Variants in ITFG1 observed in about 807,000 individuals in gnomAD.
ITFG1 encodes T-cell immunomodulatory protein.
Under a neutral mutation model 81.8 loss-of-function variants are expected in ITFG1, and 34 were observed. The ratio of observed to expected loss-of-function variants is 0.42; its 90% CI spans 0.32 to 0.55. The LOEUF is 0.55. Among genes scored for constraint, ITFG1 ranks in the 20% least tolerant of loss-of-function variants. The pLI, the probability that ITFG1 is intolerant of heterozygous loss-of-function variation, is 0.17. For missense variants in ITFG1, 672 were observed against 755.4 expected (o/e 0.89, Z 1.29); for synonymous variants, 285 against 270.6 (o/e 1.05, Z -0.52).
chr16:47,230,377 A>G (rs1229746866), intron 13 of ITFG1, among the ~76,000 whole-genome samples: 2 of 152,306 alleles, frequency 1.3e-5, no homozygotes, highest in Admixed American at 1.3e-4. Context: ...AGACGATAAC[A>G]GTGGGTTAAG....
intron 6 of ITFG1, among the ~76,000 whole-genome samples, chr16:47,403,865 C>A (rs1968694878): frequency 6.6e-6 from 1 of 151,248 alleles, no homozygotes; most frequent in African/African-American, 2.4e-5. Flanking sequence ...GGGTCCCTAA[C>A]CCCCAGGCCA....
Position 47,371,044 on chromosome 16 carries a change from T to C in ITFG1, c.720+4832A>G, listed in dbSNP as rs183125675. Among the ~76,000 whole-genome samples the C allele has an allele frequency of 2.8e-4, 43 of 152,376 alleles. 1 individual carries two copies. The East Asian group carries it at 8.1e-3, about 29-fold the overall frequency. ...CTGTGATGTTCTTACCGATCTGCAC[T>C]GTTTCCCTGCAATCCAAAATTCAAC... On this transcript the variant is annotated intron_variant, in intron 7 of 17. Coordinates refer to ENST00000320640, the MANE Select transcript of ITFG1 (RefSeq NM_030790.5).
At chr16:47,237,614 A>G (rs1347515605) in intron 13 of ITFG1, among the ~76,000 whole-genome samples, 2 of 152,228 alleles carry the variant, frequency 1.3e-5, no homozygotes, top group East Asian at 3.8e-4. Flanking sequence ...TACCAGGTAC[A>G]CAAGATGACA....
At chr16:47,305,501 C>G (rs1183906324) in intron 10 of ITFG1, among the ~76,000 whole-genome samples, 1 of 151,722 alleles carries the variant, frequency 6.6e-6, no homozygotes, top group East Asian at 1.9e-4. Context: ...AACAAATTAA[C>G]TAAGAAAAAA....
At chr16:47,342,950 C>T (rs764869450) in intron 8 of ITFG1, among the ~76,000 whole-genome samples, 2 of 152,106 alleles carry the variant, frequency 1.3e-5, no homozygotes, top group African/African-American at 2.4e-5. Flanking sequence ...AATGCAATCA[C>T]ACTCAAAATT....
chr16:47,254,924 A>G (rs1966122471), intron 12 of ITFG1, among the ~76,000 whole-genome samples: 1 of 152,196 alleles, frequency 6.6e-6, no homozygotes, highest in Non-Finnish European at 1.5e-5. Flanking sequence ...CGTCTCTACT[A>G]AAAATACAAA....
intron 14 of ITFG1, among the ~76,000 whole-genome samples, chr16:47,165,006 C>T (rs923684912): frequency 7.2e-5 from 11 of 152,188 alleles, no homozygotes; most frequent in African/African-American, 2.7e-4. Context: ...TGGTTAATTT[C>T]CAGAGTTCTG....
Position 47,260,660 on chromosome 16 carries a change from C to A in ITFG1, c.1106G>T (p.Cys369Phe). The change falls in exon 11 of 18, where the codon TGT becomes TTT. Residue 369 changes from cysteine to phenylalanine, a missense_variant. Cys to Phe is a radical substitution (Grantham distance 205). Coordinates refer to ENST00000320640, the MANE Select transcript of ITFG1 (RefSeq NM_030790.5). ...QQAFLLENVP[C>F]NNASCEEARR... ...CGCCTCTTCACAGCTTGCATTATTACAAGGGACGTTCTCCAGTAAAAAGGC... is the reference window on the plus strand; with the variant it reads ...CGCCTCTTCACAGCTTGCATTATTAAAAGGGACGTTCTCCAGTAAAAAGGC... The A allele has an allele frequency of 6.2e-7, 1 of 1,614,186 alleles. No individual in the cohort carries two copies. The highest frequency in any genetic ancestry group is 8.5e-7 in the Non-Finnish European group (1 of 1,180,034).
At position 47,459,114 on chromosome 16, in the gene ITFG1, CT is replaced by C; in HGVS notation, c.269del (p.Lys90ArgfsTer10). 6.3e-7 allele frequency: 1 copy of C among 1,580,938 alleles called. No homozygotes were observed. On this transcript the variant is annotated frameshift_variant, in exon 2 of 18. Transcript: ENST00000320640. LOFTEE classifies it high-confidence loss of function. ...ATATTTGTACTTACTTGAAAGATAC[CT>C]TTACTTTGGGTTTAAAATAGGGTGC... is the stretch of plus-strand genomic sequence containing the variant. Reference protein sequence around the residue: ...QNAPYFKPKVKVSFKNHSALI... With the variant: ...QNAPYFKPKVXVSFKNHSALI...
chr16:47,441,865 A>G (rs1969255780), intron 5 of ITFG1, among the ~76,000 whole-genome samples: 1 of 152,212 alleles, frequency 6.6e-6, no homozygotes, highest in South Asian at 2.1e-4. Context: ...AAGGGAATTC[A>G]ATTAGGAAAA....
Position 47,155,565 on chromosome 16 carries a change from T to C in ITFG1, c.*154A>G. 1.7e-6 allele frequency: 1 copy of C among 577,728 alleles called. No homozygotes were observed. The highest frequency in any genetic ancestry group is 3.0e-6 in the Non-Finnish European group (1 of 334,662). The allele number at this position is 577,728 out of a possible 1,614,324, so 35.8% of individuals were successfully genotyped here. A position where few individuals can be genotyped will look rare whatever the true frequency, so the allele number is the denominator to read the frequency against. ...CTTTAAAAAAAAAGACCTTGTGACA[T>C]ATTCAAACCATATTTATTTGAATAC... On this transcript the variant is annotated 3_prime_UTR_variant, in exon 18 of 18. Coordinates refer to ENST00000320640, the MANE Select transcript of ITFG1 (RefSeq NM_030790.5).
intron 6 of ITFG1, among the ~76,000 whole-genome samples, chr16:47,411,982 A>G (rs1327108181): frequency 1.3e-5 from 2 of 152,210 alleles, no homozygotes; most frequent in African/African-American, 2.4e-5. Flanking sequence ...CCAATGCAGA[A>G]ATCTAGCCAC....
chr16:47,366,195 A>T (rs1968174955), intron 7 of ITFG1, among the ~76,000 whole-genome samples: 1 of 152,208 alleles, frequency 6.6e-6, no homozygotes, highest in South Asian at 2.1e-4. Context: ...ACTAGTTCCT[A>T]TCCTCAAAGA....
intron 5 of ITFG1, among the ~76,000 whole-genome samples, chr16:47,447,764 T>G (rs945237870): frequency 3.1e-4 from 47 of 152,210 alleles, no homozygotes; most frequent in African/African-American, 1.0e-3. Context: ...CTAAAAGTTT[T>G]TCACTGTTTC....
intron 14 of ITFG1, among the ~76,000 whole-genome samples, chr16:47,208,650 A>T (rs182894570): frequency 4.4e-4 from 67 of 152,296 alleles, no homozygotes; most frequent in Admixed American, 4.2e-3. Context: ...AATCAATAAA[A>T]CTTCTAGTGT....
In ITFG1 at chr16:47,273,792, T is replaced by C. The variant is rs534126694; in HGVS notation, c.1071-13097A>G. On this transcript the variant is annotated intron_variant, in intron 10 of 17. Coordinates refer to ENST00000320640, the MANE Select transcript of ITFG1 (RefSeq NM_030790.5). ...CAAAAGAATCTATTAGTTTGTTTGTTTATTTATTTATTTATTTATTTATTT... is the reference window on the plus strand; with the variant it reads ...CAAAAGAATCTATTAGTTTGTTTGTCTATTTATTTATTTATTTATTTATTT... Among the ~76,000 whole-genome samples, 100 of 146,974 alleles carry C rather than the reference T, an allele frequency of 6.8e-4. 1 individual carries two copies. Among genetic ancestry groups the C allele is most frequent in the African/African-American group, 2.2e-3 (87 of 39,052 alleles).
chr16:47,393,452 C>T (rs568827426), intron 6 of ITFG1, among the ~76,000 whole-genome samples: 53 of 152,180 alleles, frequency 3.5e-4, no homozygotes, highest in Non-Finnish European at 5.1e-4. Flanking sequence ...CAGTGGCAGC[C>T]GAGTGTGGTG....
upstream of ITFG1, chr16:47,461,168 C>CT (rs1567265487): frequency 9.4e-7 from 1 of 1,058,736 alleles, no homozygotes; most frequent in African/African-American, 1.6e-5. Flanking sequence ...CTGCCGGCTC[C>CT]TTTTTCTCTC....
At chr16:47,327,990 T>A (rs187018481) in intron 8 of ITFG1, among the ~76,000 whole-genome samples, 2 of 152,282 alleles carry the variant, frequency 1.3e-5, no homozygotes, top group East Asian at 3.9e-4. Flanking sequence ...CCCAAAGGAT[T>A]ATAAATAATG....
Sources: gnomAD v4.1 joint callset for allele counts (sites outside exome capture counted in the v4.1 genomes callset) on GRCh38, gnomAD v4.1.1 for gene constraint, MANE v1.5 for transcripts, NCBI Gene and HGNC (gene_info 2026-07-23, HGNC 2026-07-21) for gene names.